The following DGLUCY variants were observed in gnomAD, a reference collection of about 807,000 sequenced individuals.
DGLUCY encodes the protein D-glutamate cyclase, mitochondrial.
A neutral mutation model predicts 58.5 loss-of-function variants in DGLUCY; 58 were observed. The observed-to-expected ratio is 0.99, with a 90% CI of 0.80 to 1.23. The LOEUF is 1.23. Ranked by LOEUF, DGLUCY falls within the 50% of genes most tolerant of loss-of-function variation. The pLI is 0.00. For missense variants in DGLUCY, 779 were observed against 784.7 expected, an observed-to-expected ratio of 0.99 and a Z score of 0.09; for synonymous variants, 325 against 314.1, an observed-to-expected ratio of 1.03 and a Z score of -0.37.
chr14:91,190,461 G>C (rs1315566489), intron 9 of DGLUCY, among the ~76,000 whole-genome samples: 2 of 152,184 alleles, frequency 1.3e-5, no homozygotes, highest in Non-Finnish European at 2.9e-5. Flanking sequence ...ACTGGAGAGT[G>C]AGGGGCTGGG....
upstream of DGLUCY, chr14:91,107,840 C>G (rs145913854): frequency 4.4e-4 from 67 of 152,644 alleles, no homozygotes; most frequent in African/African-American, 1.5e-3. Flanking sequence ...AGACACGAGA[C>G]AGGGAGCTAC....
chr14:91,064,515 C>T (rs1192687089), intron 1 of DGLUCY, among the ~76,000 whole-genome samples: 29 of 149,096 alleles, frequency 1.9e-4, no homozygotes, highest in Admixed American at 7.5e-4. Flanking sequence ...CCAAGCTACT[C>T]GGGAGGCTGA....
At chr14:91,123,679 TG>T (rs1303672468) in intron 1 of DGLUCY, among the ~76,000 whole-genome samples, 1 of 151,862 alleles carries the variant, frequency 6.6e-6, no homozygotes, top group African/African-American at 2.4e-5. Flanking sequence ...CTCAACCCCC[TG>T]GGTGTAGATG....
chr14:91,215,652 C>A, intron 13 of DGLUCY, 96 bp downstream of exon 13: 1 of 1,600,148 alleles, frequency 6.2e-7, no homozygotes, highest in Non-Finnish European at 8.5e-7. Context: ...GGGCTGGCAC[C>A]CTGCTGCCCC....
intron 1 of DGLUCY, among the ~76,000 whole-genome samples, chr14:91,091,382 C>T (rs1014733553): frequency 6.6e-5 from 10 of 152,054 alleles, no homozygotes; most frequent in East Asian, 5.8e-4. Flanking sequence ...CTTAGCCAGG[C>T]GCGGTGGCAG....
intron 1 of DGLUCY, among the ~76,000 whole-genome samples, chr14:91,101,054 G>C (rs898022758): frequency 2.6e-5 from 4 of 151,866 alleles, no homozygotes; most frequent in African/African-American, 9.7e-5. Flanking sequence ...CTGGGCAACA[G>C]AGCGAGACTC....
chr14:91,176,196 A>G (rs1005491418), intron 7 of DGLUCY, 140 bp downstream of exon 7: 2 of 1,015,698 alleles, frequency 2.0e-6, no homozygotes, highest in African/African-American at 1.6e-5. Context: ...GCCTACAGCT[A>G]CAGTGAATCT....
intron 1 of DGLUCY, among the ~76,000 whole-genome samples, chr14:91,148,044 C>T (rs1203423699): frequency 1.3e-5 from 2 of 151,936 alleles, no homozygotes; most frequent in African/African-American, 4.8e-5. Context: ...TGCAGTGGCA[C>T]GCACCTGTAA....
upstream of DGLUCY, among the ~76,000 whole-genome samples, chr14:91,109,100 C>A (rs143486323): frequency 2.6e-5 from 4 of 152,128 alleles, no homozygotes; most frequent in Non-Finnish European, 5.9e-5. Context: ...ACAATGAATG[C>A]GGGCCTCGTG....
chr14:91,184,577 T>TGG (rs1217191950), intron 8 of DGLUCY, among the ~76,000 whole-genome samples: 402 of 23,242 alleles, frequency 0.017, 9 homozygotes, highest in African/African-American at 0.066. Context: ...GAAAGAAAGT[T>TGG]GGGGGGGGGG....
intron 1 of DGLUCY, among the ~76,000 whole-genome samples, chr14:91,117,289 G>A (rs558040476): frequency 2.6e-5 from 4 of 152,288 alleles, no homozygotes; most frequent in African/African-American, 4.8e-5. Flanking sequence ...ACCACAAAGT[G>A]TTTTATCAGC....
chr14:91,140,312 A>G (rs1317202607), intron 1 of DGLUCY, among the ~76,000 whole-genome samples: 2 of 152,188 alleles, frequency 1.3e-5, no homozygotes, highest in African/African-American at 4.8e-5. Flanking sequence ...GTCTCCCAAA[A>G]TCTATGTCTC....
chr14:91,079,370 T>A (rs1005573313), intron 1 of DGLUCY, among the ~76,000 whole-genome samples: 2 of 151,714 alleles, frequency 1.3e-5, no homozygotes, highest in African/African-American at 4.8e-5. Flanking sequence ...TTTTTTTTTT[T>A]TTTAAGGCAG....
intron 12 of DGLUCY, 189 bp downstream of exon 12, chr14:91,205,014 C>A: frequency 1.3e-6 from 1 of 766,664 alleles, no homozygotes; most frequent in Non-Finnish European, 2.0e-6. Flanking sequence ...GTGTGCCAGG[C>A]AGTGTTCTGA....
chr14:91,084,943 G>A (rs1005269128), intron 1 of DGLUCY, among the ~76,000 whole-genome samples: 1 of 152,062 alleles, frequency 6.6e-6, no homozygotes, highest in Non-Finnish European at 1.5e-5. Context: ...TTAAAAGAGG[G>A]TGGGCATGGT....
intron 1 of DGLUCY, among the ~76,000 whole-genome samples, chr14:91,067,497 G>A (rs1440881837): frequency 6.6e-6 from 1 of 151,846 alleles, no homozygotes; most frequent in Non-Finnish European, 1.5e-5. Flanking sequence ...AGTATACATA[G>A]ATAAGAAAGA....
At chr14:91,199,987 C>T in intron 11 of DGLUCY, 82 bp downstream of exon 11, 2 of 1,555,468 alleles carry the variant, frequency 1.3e-6, no homozygotes, top group Non-Finnish European at 1.8e-6. Context: ...TGGAGTCTTG[C>T]TCTGTCACCC....
intron 9 of DGLUCY, 81 bp from the exon 10 acceptor site, chr14:91,196,294 A>C: frequency 1.8e-6 from 2 of 1,097,022 alleles, no homozygotes; most frequent in Non-Finnish European, 2.8e-6. Flanking sequence ...TACCCTTCAA[A>C]GAAGCTTTTG....
chr14:91,061,620 AT>A (rs2043686993), intron 1 of DGLUCY, among the ~76,000 whole-genome samples: 2 of 152,238 alleles, frequency 1.3e-5, no homozygotes, highest in Admixed American at 1.3e-4. Flanking sequence ...TAAAGGATGG[AT>A]AAGAGAGAAA....
Sources: gnomAD v4.1 joint callset for allele counts (sites outside exome capture counted in the v4.1 genomes callset) on GRCh38, gnomAD v4.1.1 for gene constraint, MANE v1.5 for transcripts, NCBI Gene and HGNC (gene_info 2026-07-23, HGNC 2026-07-21) for gene names.